Variants in CADPS observed in about 807,000 individuals in gnomAD.
The protein encoded by CADPS is calcium dependent secretion activator, also known as calcium-dependent secretion activator 1.
In CADPS, 57 loss-of-function variants were observed where a neutral mutation model predicts 167.3. The ratio of observed to expected loss-of-function variants is 0.34; its 90% CI spans 0.28 to 0.42. CADPS has a LOEUF of 0.42. Among genes scored for constraint, CADPS ranks in the 20% least tolerant of loss-of-function variants. The pLI is 1.00. For missense variants in CADPS, 1,414 were observed against 1,738.1 expected (o/e 0.81, Z 3.32); for synonymous variants, 676 against 635.3 (o/e 1.06, Z -0.96).
chr3:62,599,509 T>TTA (rs201473230), intron 6 of CADPS, among the ~76,000 whole-genome samples: 3,887 of 104,646 alleles, frequency 0.037, 270 homozygotes, highest in African/African-American at 0.14. Context: ...TTTATATATA[T>TTA]TATATATATA....
chr3:62,502,850 TAGGTGAAGAG>T (rs1379127855), intron 17 of CADPS, among the ~76,000 whole-genome samples: 1 of 151,644 alleles, frequency 6.6e-6, no homozygotes, highest in East Asian at 1.9e-4. Flanking sequence ...GCTGCTTGGG[TAGGTGAAGAG>T]AGACAGTAAA....
At chr3:62,582,162 T>C (rs771029776) in intron 8 of CADPS, among the ~76,000 whole-genome samples, 2 of 152,222 alleles carry the variant, frequency 1.3e-5, no homozygotes, top group Non-Finnish European at 2.9e-5. Context: ...AATTGCTTTT[T>C]CGGCAGGGCG....
intron 3 of CADPS, among the ~76,000 whole-genome samples, chr3:62,696,372 A>C (rs949033391): frequency 6.6e-6 from 1 of 152,086 alleles, no homozygotes; most frequent in Non-Finnish European, 1.5e-5. Flanking sequence ...AGTGAACTCC[A>C]GTTTGCCACA....
In CADPS at chr3:62,862,947, A is replaced by G. The variant is rs184546931; in HGVS notation, c.441+11642T>C. On this transcript the variant is annotated intron_variant, in intron 1 of 29. Coordinates refer to ENST00000383710, the MANE Select transcript of CADPS (RefSeq NM_003716.4). ...AAAACAGGAATTTATAACTCGTCTC[A>G]CATATACTCAAAGGGCTGTTTTAAT... is the stretch of plus-strand genomic sequence containing the variant. 8.3e-4 allele frequency among the ~76,000 whole-genome samples: 127 copies of G among 152,316 alleles called. 1 individual carries two copies. The highest frequency in any genetic ancestry group is 3.0e-3 in the African/African-American group (123 of 41,578).
chr3:62,806,522 C>T (rs999472195), intron 1 of CADPS, among the ~76,000 whole-genome samples: 2 of 152,008 alleles, frequency 1.3e-5, no homozygotes, highest in African/African-American at 4.8e-5. Flanking sequence ...AGAGCAAAAC[C>T]CTGTCTCCAA....
intron 17 of CADPS, among the ~76,000 whole-genome samples, chr3:62,511,564 T>C (rs983819371): frequency 6.6e-6 from 1 of 152,192 alleles, no homozygotes; most frequent in Non-Finnish European, 1.5e-5. Flanking sequence ...ATTAGCTATC[T>C]GGCTTTACAT....
intron 2 of CADPS, among the ~76,000 whole-genome samples, chr3:62,764,424 G>C (rs73106308): frequency 6.6e-6 from 1 of 151,984 alleles, no homozygotes; most frequent in Non-Finnish European, 1.5e-5. Flanking sequence ...TTTAAATTTG[G>C]ACAACTATAA....
chr3:62,482,607 A>T (rs1325973783), intron 21 of CADPS, among the ~76,000 whole-genome samples: 2 of 152,252 alleles, frequency 1.3e-5, no homozygotes, highest in Non-Finnish European at 2.9e-5. Flanking sequence ...CACCAAGGAA[A>T]TGAAAACAAT....
intron 3 of CADPS, among the ~76,000 whole-genome samples, chr3:62,709,792 CAG>C (rs2083037123): frequency 1.3e-5 from 2 of 151,882 alleles, no homozygotes; most frequent in African/African-American, 2.4e-5. Flanking sequence ...TTTTTTGAGA[CAG>C]AGTCTCATTC....
chr3:62,404,682 C>G lies in CADPS; in HGVS notation c.3778-1497G>C, dbSNP rs2149097900. 2.0e-5 allele frequency: 3 copies of G among 152,156 alleles called. 1 individual carries two copies. The South Asian group carries it at 6.2e-4, about 32-fold the overall frequency. 9.4% of individuals were successfully genotyped at this position (152,156 alleles called of 1,614,324 possible). A position where few individuals can be genotyped will look rare whatever the true frequency, so the allele number is the denominator to read the frequency against. On this transcript the variant is annotated intron_variant, in intron 28 of 29. Coordinates refer to ENST00000383710, the MANE Select transcript of CADPS (RefSeq NM_003716.4). ...TCGAGGCAGCACTGCAGCCTCACAG[C>G]CAGCTTCTGCTCTTTTAAAGATCAT...
intron 17 of CADPS, among the ~76,000 whole-genome samples, chr3:62,502,156 T>C (rs2065872840): frequency 6.6e-6 from 1 of 152,244 alleles, no homozygotes; most frequent in Admixed American, 6.5e-5. Context: ...TTTGTTTGCA[T>C]AGCTGCTGTA....
At chr3:62,780,043 G>A (rs1169692695) in intron 1 of CADPS, among the ~76,000 whole-genome samples, 1 of 152,124 alleles carries the variant, frequency 6.6e-6, no homozygotes, top group Non-Finnish European at 1.5e-5. Flanking sequence ...TGTACATAGA[G>A]TTTATGGTAC....
chr3:62,489,164 A>C (rs1473612109), intron 21 of CADPS, among the ~76,000 whole-genome samples: 1 of 147,678 alleles, frequency 6.8e-6, no homozygotes, highest in Non-Finnish European at 1.5e-5. Flanking sequence ...TTAAACTTTT[A>C]TTATTTTTTT....
At chr3:62,606,371 G>T (rs754022413) in intron 6 of CADPS, among the ~76,000 whole-genome samples, 1 of 152,064 alleles carries the variant, frequency 6.6e-6, no homozygotes, top group East Asian at 1.9e-4. Context: ...CAGATTAATG[G>T]GTTATCAAAG....
chr3:62,620,046 G>A (rs961266322), intron 6 of CADPS, among the ~76,000 whole-genome samples: 7 of 152,058 alleles, frequency 4.6e-5, no homozygotes, highest in Non-Finnish European at 7.4e-5. Flanking sequence ...ATGCACAAAA[G>A]GACATTCATT....
intron 1 of CADPS, among the ~76,000 whole-genome samples, chr3:62,783,931 C>T (rs1455652911): frequency 1.3e-5 from 2 of 152,158 alleles, no homozygotes; most frequent in African/African-American, 4.8e-5. Flanking sequence ...TGCACACTTA[C>T]ATTACAAAAA....
rs1578252457 is a variant in CADPS at position 62,585,463 on chromosome 3, T to A, written c.1438-139A>T. The A allele has an allele frequency of 7.9e-6, 6 of 763,276 alleles. No homozygotes were observed. The East Asian group carries it at 1.6e-4, about 21-fold the overall frequency. 47.3% of individuals were successfully genotyped at this position (763,276 alleles called of 1,614,324 possible). ...AGCCATACCTGGGGATAGAAACACA[T>A]TCTTTTGATCCTTCCTGGCTAATTT... On this transcript the variant is annotated intron_variant, in intron 7 of 29. Coordinates refer to ENST00000383710, the MANE Select transcript of CADPS (RefSeq NM_003716.4).
chr3:62,703,456 T>C (rs2081785558), intron 3 of CADPS, among the ~76,000 whole-genome samples: 1 of 152,034 alleles, frequency 6.6e-6, no homozygotes, highest in Non-Finnish European at 1.5e-5. Flanking sequence ...CTCTGTTGTG[T>C]GGATTTGAGA....
intron 28 of CADPS, among the ~76,000 whole-genome samples, chr3:62,424,598 C>T (rs1560194138): frequency 6.6e-6 from 1 of 152,154 alleles, no homozygotes; most frequent in Non-Finnish European, 1.5e-5. Flanking sequence ...GCTTCAGATG[C>T]TCAATAAGGT....
Sources: gnomAD v4.1 joint callset for allele counts (sites outside exome capture counted in the v4.1 genomes callset) on GRCh38, gnomAD v4.1.1 for gene constraint, MANE v1.5 for transcripts, NCBI Gene and HGNC (gene_info 2026-07-23, HGNC 2026-07-21) for gene names.